Variants in XYLT1 observed in about 807,000 individuals in gnomAD.
XYLT1 encodes beta-D-xylosyltransferase 1.
In XYLT1, 36 loss-of-function variants were observed where a neutral mutation model predicts 91.3. The observed-to-expected ratio is 0.39, with a 90% CI of 0.30 to 0.52. The LOEUF (loss-of-function observed/expected upper bound fraction) is 0.52, where lower values mean the gene tolerates loss of function less well. Among genes scored for constraint, XYLT1 ranks in the 20% least tolerant of loss-of-function variants. The pLI is 0.68. For synonymous variants in XYLT1, 588 were observed against 532.0 expected (o/e 1.11, Z -1.45); for missense variants, 1,242 against 1,284.5 (o/e 0.97, Z 0.51).
At chr16:17,150,080 G>A (rs1336746670) in intron 6 of XYLT1, among the ~76,000 whole-genome samples, 1 of 152,212 alleles carries the variant, frequency 6.6e-6, no homozygotes, top group Non-Finnish European at 1.5e-5. Flanking sequence ...ACCAAGGACA[G>A]AAGTCCTTGT....
At chr16:17,183,809 G>T (rs2032121066) in intron 5 of XYLT1, among the ~76,000 whole-genome samples, 1 of 152,146 alleles carries the variant, frequency 6.6e-6, no homozygotes. Flanking sequence ...GCAAGGGAGA[G>T]AAAATACTTG....
chr16:17,303,579 G>A (rs1005136250), intron 2 of XYLT1, among the ~76,000 whole-genome samples: 1 of 152,196 alleles, frequency 6.6e-6, no homozygotes, highest in Non-Finnish European at 1.5e-5. Flanking sequence ...GCCATTGTGA[G>A]GGTTCTAGGA....
chr16:17,211,083 G>A (rs1302506400), intron 3 of XYLT1, among the ~76,000 whole-genome samples: 1 of 152,152 alleles, frequency 6.6e-6, no homozygotes, highest in Non-Finnish European at 1.5e-5. Flanking sequence ...AAAATAAAAT[G>A]TGCTTACATA....
At chr16:17,369,048 G>A (rs2035491604) in intron 1 of XYLT1, among the ~76,000 whole-genome samples, 1 of 148,530 alleles carries the variant, frequency 6.7e-6, no homozygotes, top group South Asian at 2.1e-4. Flanking sequence ...TCTTCAGAGA[G>A]GTTTAAAAAA....
chr16:17,186,388 C>T (rs1160469711), intron 5 of XYLT1, among the ~76,000 whole-genome samples: 1 of 152,132 alleles, frequency 6.6e-6, no homozygotes, highest in African/African-American at 2.4e-5. Flanking sequence ...CAGACGTGAG[C>T]CACCATGCCC....
intron 3 of XYLT1, among the ~76,000 whole-genome samples, chr16:17,223,252 G>C (rs2033004347): frequency 6.6e-6 from 1 of 152,168 alleles, no homozygotes; most frequent in Admixed American, 6.5e-5. Context: ...CCAGCATTGG[G>C]GAAGCTGACC....
chr16:17,337,043 TA>T (rs1399150817), intron 2 of XYLT1, among the ~76,000 whole-genome samples: 2 of 152,316 alleles, frequency 1.3e-5, no homozygotes, highest in East Asian at 3.9e-4. Flanking sequence ...AAAAAAATAT[TA>T]TTCAGCCCCA....
intron 2 of XYLT1, among the ~76,000 whole-genome samples, chr16:17,272,766 G>A (rs750963506): frequency 2.6e-5 from 4 of 152,140 alleles, no homozygotes; most frequent in Non-Finnish European, 5.9e-5. Flanking sequence ...TTAGCCCTCT[G>A]GCATGTCTGC....
chr16:17,111,656 T>G (rs934901292), intron 11 of XYLT1, among the ~76,000 whole-genome samples: 1 of 152,124 alleles, frequency 6.6e-6, no homozygotes, highest in Non-Finnish European at 1.5e-5. Flanking sequence ...GTGAGAATAG[T>G]AGATGAATTC....
At chr16:17,326,538 C>A (rs892303118) in intron 2 of XYLT1, among the ~76,000 whole-genome samples, 1 of 152,068 alleles carries the variant, frequency 6.6e-6, no homozygotes, top group African/African-American at 2.4e-5. Context: ...AAACACAGGA[C>A]CTCGGCCTGG....
At chr16:17,273,569 C>A (rs2033926887) in intron 2 of XYLT1, among the ~76,000 whole-genome samples, 1 of 152,198 alleles carries the variant, frequency 6.6e-6, no homozygotes, top group Non-Finnish European at 1.5e-5. Flanking sequence ...GTACGCCAGG[C>A]ATGGTGGCTC....
chr16:17,188,699 T>A (rs550004406), intron 5 of XYLT1, among the ~76,000 whole-genome samples: 21 of 152,354 alleles, frequency 1.4e-4, no homozygotes, highest in Admixed American at 1.2e-3. Context: ...GTGATTAATG[T>A]CTGTCTCCTT....
intron 1 of XYLT1, among the ~76,000 whole-genome samples, chr16:17,431,096 T>A (rs1180930154): frequency 6.6e-6 from 1 of 152,188 alleles, no homozygotes; most frequent in East Asian, 1.9e-4. Flanking sequence ...CTGCAGCCCA[T>A]AAAGTCTCTG....
At chr16:17,353,399 G>GA (rs1383854307) in intron 2 of XYLT1, among the ~76,000 whole-genome samples, 1 of 152,192 alleles carries the variant, frequency 6.6e-6, no homozygotes, top group East Asian at 1.9e-4. Flanking sequence ...AATGGCAAGA[G>GA]ACCTTGCCAG....
At chr16:17,375,845 G>C (rs1361900050) in intron 1 of XYLT1, among the ~76,000 whole-genome samples, 1 of 152,230 alleles carries the variant, frequency 6.6e-6, no homozygotes, top group Non-Finnish European at 1.5e-5. Flanking sequence ...ATGCCCTGGG[G>C]GCACCACAGG....
In XYLT1 at chr16:17,469,390, G is replaced by A. The variant is rs561921402; in HGVS notation, c.363+1044C>T. ...ACACAACACATTGGCTATGCCCTAAGGCAGAACTCACGCCCCTGGAGAACT... is the reference window on the plus strand; with the variant it reads ...ACACAACACATTGGCTATGCCCTAAAGCAGAACTCACGCCCCTGGAGAACT... On this transcript the variant is annotated intron_variant, in intron 1 of 11. Coordinates refer to ENST00000261381, the MANE Select transcript of XYLT1 (RefSeq NM_022166.4). 1.2e-3 allele frequency among the ~76,000 whole-genome samples: 176 copies of A among 152,370 alleles called. 1 individual carries two copies. Among genetic ancestry groups the A allele is most frequent in the African/African-American group, 4.0e-3 (165 of 41,588 alleles).
At chr16:17,231,502 C>G (rs1178524000) in intron 3 of XYLT1, among the ~76,000 whole-genome samples, 1 of 152,134 alleles carries the variant, frequency 6.6e-6, no homozygotes, top group Non-Finnish European at 1.5e-5. Flanking sequence ...ATTTCCTTAC[C>G]TTTAAGTGAG....
At chr16:17,138,567 C>T in intron 7 of XYLT1, 36 bp from the exon 8 acceptor site, 2 of 1,599,136 alleles carry the variant, frequency 1.3e-6, no homozygotes, top group Non-Finnish European at 1.7e-6. Context: ...TGAGACCTCT[C>T]CCAGCCTCCC....
intron 3 of XYLT1, among the ~76,000 whole-genome samples, chr16:17,225,303 C>G (rs947262388): frequency 3.9e-5 from 6 of 152,078 alleles, no homozygotes; most frequent in Non-Finnish European, 8.8e-5. Context: ...TTTCCTCCTC[C>G]TTTTTAGGAC....
Sources: gnomAD v4.1 joint callset for allele counts (sites outside exome capture counted in the v4.1 genomes callset) on GRCh38, gnomAD v4.1.1 for gene constraint, MANE v1.5 for transcripts, NCBI Gene and HGNC (gene_info 2026-07-23, HGNC 2026-07-21) for gene names.